MAF: variants seen among roughly 807,000 people sequenced by gnomAD.
MAF encodes the protein transcription factor Maf.
Under a neutral mutation model 22.0 loss-of-function variants are expected in MAF, and 10 were observed. That is an observed-to-expected ratio of 0.45 (90% CI 0.28 to 0.77). The LOEUF is 0.77. MAF is among the 30% of genes least tolerant of loss of function. The probability of loss-of-function intolerance (pLI) is 0.12; values close to 1 mark genes in which losing one functional copy is unlikely to be tolerated. For synonymous variants in MAF, 337 were observed against 255.8 expected (o/e 1.32, Z -3.03); for missense variants, 544 against 548.4 (o/e 0.99, Z 0.08).
At chr16:79,444,275 G>A in the MAF span, among the ~76,000 whole-genome samples, 1 of 152,004 alleles carries the variant, frequency 6.6e-6, no homozygotes, top group African/African-American at 2.4e-5. Flanking sequence ...ATTTTGCCTA[G>A]GAGTATGGAC....
At chr16:79,502,306 C>T in the MAF span, among the ~76,000 whole-genome samples, 2 of 152,090 alleles carry the variant, frequency 1.3e-5, no homozygotes, top group Non-Finnish European at 2.9e-5. Context: ...AACAAGTAGC[C>T]TGAAAACTTT....
At chr16:79,296,224 G>C in the MAF span, among the ~76,000 whole-genome samples, 29 of 152,294 alleles carry the variant, frequency 1.9e-4, no homozygotes, top group Middle Eastern at 3.4e-3. Context: ...TAATTTTATA[G>C]ATCTGTTCAG....
chr16:79,334,952 T>C, the MAF span, among the ~76,000 whole-genome samples: 2 of 151,660 alleles, frequency 1.3e-5, no homozygotes, highest in Non-Finnish European at 2.9e-5. Flanking sequence ...TTTGGGAGGC[T>C]GAGGCGGGCA....
At chr16:79,382,920 G>C in the MAF span, among the ~76,000 whole-genome samples, 1 of 152,134 alleles carries the variant, frequency 6.6e-6, no homozygotes, top group Non-Finnish European at 1.5e-5. Context: ...ATGAAATTTG[G>C]CCTTTCGAGC....
the MAF span, among the ~76,000 whole-genome samples, chr16:79,282,942 G>A: frequency 6.6e-6 from 1 of 152,124 alleles, no homozygotes; most frequent in African/African-American, 2.4e-5. Flanking sequence ...AACCCATGAA[G>A]CAGCAAAAAT....
At chr16:79,242,973 G>A in the MAF span, among the ~76,000 whole-genome samples, 1 of 151,954 alleles carries the variant, frequency 6.6e-6, no homozygotes, top group African/African-American at 2.4e-5. Context: ...CAAAATGAAG[G>A]CAGAAATAAA....
the MAF span, among the ~76,000 whole-genome samples, chr16:79,563,291 C>T: frequency 6.6e-6 from 1 of 152,220 alleles, no homozygotes; most frequent in Non-Finnish European, 1.5e-5. Context: ...TTACAGAACA[C>T]TGGCAATGTG....
At chr16:79,261,368 G>A in the MAF span, among the ~76,000 whole-genome samples, 5 of 151,986 alleles carry the variant, frequency 3.3e-5, no homozygotes, top group Admixed American at 2.0e-4. Context: ...GGCCAGGCTG[G>A]TCTTGAACTC....
the MAF span, among the ~76,000 whole-genome samples, chr16:79,574,489 A>G: frequency 4.6e-5 from 7 of 152,186 alleles, no homozygotes; most frequent in African/African-American, 1.7e-4. Flanking sequence ...AGCCATTCTA[A>G]CACCTCAAAA....
At chr16:79,596,071 C>T (rs1381030941) in intron 1 of MAF, 15 of 1,061,942 alleles carry the variant, frequency 1.4e-5, no homozygotes, top group East Asian at 1.0e-4. Context: ...TTCTCTTTAC[C>T]GTTCAATGCA....
chr16:79,301,592 A>G, the MAF span, among the ~76,000 whole-genome samples: 1 of 135,358 alleles, frequency 7.4e-6, no homozygotes, highest in South Asian at 2.6e-4. Context: ...TTACATTTAA[A>G]TGCATTTATT....
chr16:79,446,652 T>G, the MAF span, among the ~76,000 whole-genome samples: 1 of 152,072 alleles, frequency 6.6e-6, no homozygotes, highest in Non-Finnish European at 1.5e-5. Flanking sequence ...GTGGCTCATG[T>G]CTGCACTCTC....
At position 79,594,376 on chromosome 16, in the gene MAF, G is replaced by T; in HGVS notation, c.*84C>A. 1.7e-6 allele frequency: 2 copies of T among 1,197,386 alleles called. No homozygotes were observed. Among genetic ancestry groups the T allele is most frequent in the Middle Eastern group, 1.9e-4 (1 of 5,256 alleles). 74.2% of individuals were successfully genotyped at this position (1,197,386 alleles called of 1,614,324 possible). A position where few individuals can be genotyped will look rare whatever the true frequency, so the allele number is the denominator to read the frequency against. ...TTTTATTTAAAAAGGAGACTAAACA[G>T]AAGTCAGGGGTAGGTGGTTCTCCAT... On this transcript the variant is annotated 3_prime_UTR_variant, in exon 2 of 2. Coordinates refer to ENST00000326043, the MANE Select transcript of MAF (RefSeq NM_005360.5).
the MAF span, among the ~76,000 whole-genome samples, chr16:79,237,652 A>C: frequency 0.22 from 33,195 of 151,344 alleles, 4,272 homozygotes; most frequent in African/African-American, 0.34. Flanking sequence ...TTCTTAAACT[A>C]TGATCTATCC....
the MAF span, among the ~76,000 whole-genome samples, chr16:79,487,673 G>A: frequency 0.051 from 7,824 of 152,186 alleles, 268 homozygotes; most frequent in East Asian, 0.13. Context: ...ATATGCAAAA[G>A]GTTAATGTGA....
the MAF span, among the ~76,000 whole-genome samples, chr16:79,458,259 A>G: frequency 6.6e-6 from 1 of 151,962 alleles, no homozygotes; most frequent in Non-Finnish European, 1.5e-5. Context: ...AGCCTGGGAC[A>G]CCTGAGTTTC....
chr16:79,357,017 G>C, the MAF span, among the ~76,000 whole-genome samples: 9 of 152,208 alleles, frequency 5.9e-5, no homozygotes, highest in Non-Finnish European at 1.2e-4. Context: ...AGCACTTTGG[G>C]AGGCCAAGGC....
the MAF span, among the ~76,000 whole-genome samples, chr16:79,338,626 A>T: frequency 2.0e-5 from 3 of 152,182 alleles, no homozygotes; most frequent in Admixed American, 6.5e-5. Context: ...GACAGAAGAG[A>T]ATAAACAAAA....
the MAF span, among the ~76,000 whole-genome samples, chr16:79,425,228 T>C: frequency 6.6e-6 from 1 of 152,234 alleles, no homozygotes; most frequent in Non-Finnish European, 1.5e-5. Context: ...TCTATTTGAT[T>C]AATTTATCAT....
Sources: allele counts gnomAD v4.1 joint callset (sites outside exome capture counted in the v4.1 genomes callset), GRCh38; gene constraint gnomAD v4.1.1; transcripts MANE v1.5; gene names NCBI Gene and HGNC (gene_info 2026-07-23, HGNC 2026-07-21).